Variants in SLC29A1 observed in about 807,000 individuals in gnomAD.
SLC29A1 encodes equilibrative nucleoside transporter 1.
SLC29A1 carries 22 observed loss-of-function variants against 48.3 expected under a neutral mutation model. That is an observed-to-expected ratio of 0.46 (90% CI 0.33 to 0.65). The LOEUF (loss-of-function observed/expected upper bound fraction) is 0.65. SLC29A1 is among the 30% of genes least tolerant of loss of function. The pLI is 0.03. For missense variants in SLC29A1, 491 were observed against 575.3 expected, an observed-to-expected ratio of 0.85 and a Z score of 1.50; for synonymous variants, 228 against 231.0, an observed-to-expected ratio of 0.99 and a Z score of 0.12.
At position 44,229,707 on chromosome 6, in the gene SLC29A1, G is replaced by A. The variant is rs776870186; in HGVS notation, c.230G>A (p.Ser77Asn). 9.3e-6 allele frequency: 15 copies of A among 1,613,898 alleles called. No homozygotes were observed. The African/African-American group carries it at 1.3e-4, about 14-fold the overall frequency. Residue 77 changes from serine to asparagine, a missense_variant, in exon 4 of 13, where the codon AGT becomes AAT. Physicochemically the swap from Ser to Asn is conservative, Grantham distance 46 (BLOSUM62 1). Transcript: ENST00000371755. This position sits in a 1 kb window ranked among gnomAD's most constrained non-coding sequence, Gnocchi z 5.1. ...CCCTTGCCTGAGCGGAACTCTCTCA[G>A]TGCCATCTTCAACAATGTCATGACC... is the stretch of plus-strand genomic sequence containing the variant. The part of the protein sequence containing the change: ...AAPLPERNSL[S>N]AIFNNVMTLC...
chr6:44,233,713 A>G lies in SLC29A1; in HGVS notation c.*185A>G. The G allele has an allele frequency of 1.7e-6, 1 of 599,380 alleles. No homozygotes were observed. The highest frequency in any genetic ancestry group is 3.0e-6 in the Non-Finnish European group (1 of 335,292). 37.1% of individuals were successfully genotyped at this position (599,380 alleles called of 1,614,324 possible). On this transcript the variant is annotated 3_prime_UTR_variant, in exon 13 of 13. Transcript: ENST00000371755. ...GAGCCTCTGGACGGACAGTGGGGAC[A>G]TTGTGGGTTTGGGGCTCAGAGTCGA...
intron 1 of SLC29A1, among the ~76,000 whole-genome samples, chr6:44,226,460 A>C (rs1328886289): frequency 6.7e-6 from 1 of 149,320 alleles, no homozygotes; most frequent in East Asian, 2.0e-4. Context: ...CCTGTGACAG[A>C]GAGGAACTAA....
At chr6:44,230,978 G>C in intron 8 of SLC29A1, 89 bp downstream of exon 8, 1 of 996,926 alleles carries the variant, frequency 1.0e-6, no homozygotes, top group Non-Finnish European at 1.6e-6. Flanking sequence ...AGTGCCCTGT[G>C]TTAGCTAGCA....
chr6:44,223,670 T>G lies in SLC29A1; in HGVS notation c.-52+29T>G. ...CTGCCCGGGGCCGGGGACTGGGGAC[T>G]GGGGACTGCCGGGGCGGAAGACGCC... On this transcript the variant is annotated intron_variant, in intron 1 of 12. Coordinates refer to ENST00000371755, the MANE Select transcript of SLC29A1 (RefSeq NM_001372327.1). The surrounding 1 kb of genome is among the most constrained non-coding windows in gnomAD (Gnocchi z 5.0). The G allele has an allele frequency of 8.6e-7, 1 of 1,167,326 alleles. No homozygotes were observed. Among genetic ancestry groups the G allele is most frequent in the South Asian group, 1.5e-5 (1 of 65,354 alleles). The allele number at this position is 1,167,326 out of a possible 1,614,324, so 72.3% of individuals were successfully genotyped here.
chr6:44,230,935 C>A, intron 8 of SLC29A1, 46 bp downstream of exon 8: 2 of 1,422,968 alleles, frequency 1.4e-6, no homozygotes, highest in Non-Finnish European at 2.0e-6. Context: ...GTATACCAGG[C>A]GGGGGATAGC....
intron 5 of SLC29A1, 36 bp downstream of exon 5, chr6:44,230,082 C>G: frequency 1.2e-6 from 2 of 1,600,368 alleles, no homozygotes; most frequent in African/African-American, 1.3e-5. Context: ...TGGGAGGAGG[C>G]ATGCCCAACT....
chr6:44,232,841 T>C lies in SLC29A1; in HGVS notation c.1094T>C (p.Val365Ala), dbSNP rs965302765. 1.2e-6 allele frequency: 2 copies of C among 1,613,222 alleles called. No homozygotes were observed. The highest frequency in any genetic ancestry group is 3.3e-5 in the Admixed American group (2 of 60,004). Residue 365 changes from valine to alanine, a missense_variant, in exon 12 of 13, where the codon GTG becomes GCG. By Grantham distance (64) the Val-to-Ala change is moderately conservative. Transcript: ENST00000371755. This position sits in a 1 kb window ranked among gnomAD's most constrained non-coding sequence, Gnocchi z 4.7. ...GACAGCCGCTGGCTGCCAAGCCTGG[T>C]GCTGGCCCGGCTGGTGTTTGTGCCA... ...GKDSRWLPSL[V>A]LARLVFVPLL...
At position 44,229,438 on chromosome 6, in the gene SLC29A1, G is replaced by C. The variant is rs758332686; in HGVS notation, c.78G>C (p.Leu26=). Residue 26 remains leucine, a synonymous_variant, in exon 3 of 13, where the codon CTG becomes CTC. Coordinates refer to ENST00000371755, the MANE Select transcript of SLC29A1 (RefSeq NM_001372327.1). The surrounding 1 kb of genome is among the most constrained non-coding windows in gnomAD (Gnocchi z 5.1). The part of the protein sequence containing the change: ...LIFFMLGLGT[L]LPWNFFMTAT... ...TCTTCATGCTGGGTCTGGGAACGCT[G>C]CTCCCGTGGAATTTTTTCATGACGG... The C allele has an allele frequency of 1.2e-6, 2 of 1,614,126 alleles. No individual in the cohort carries two copies. Among genetic ancestry groups the C allele is most frequent in the East Asian group, 4.5e-5 (2 of 44,870 alleles).
At chr6:44,226,405 ATCT>A (rs768286967) in intron 1 of SLC29A1, among the ~76,000 whole-genome samples, 102 of 150,816 alleles carry the variant, frequency 6.8e-4, no homozygotes, top group Middle Eastern at 6.8e-3. Context: ...CACCCCTCCA[ATCT>A]TCTTTTCAAG....
chr6:44,232,719 G>C lies in SLC29A1; in HGVS notation c.1060-88G>C. ...AACCAGGCTTTGAGGTTTCAGTTCAGATCCTGAGGGGCCCCAGATGGATCC... is the reference window on the plus strand; with the variant it reads ...AACCAGGCTTTGAGGTTTCAGTTCACATCCTGAGGGGCCCCAGATGGATCC... On this transcript the variant is annotated intron_variant, in intron 11 of 12. Coordinates refer to ENST00000371755, the MANE Select transcript of SLC29A1 (RefSeq NM_001372327.1). This position sits in a 1 kb window ranked among gnomAD's most constrained non-coding sequence, Gnocchi z 4.7. The C allele has an allele frequency of 2.3e-6, 3 of 1,304,100 alleles. No homozygotes were observed. Among genetic ancestry groups the C allele is most frequent in the Non-Finnish European group, 3.2e-6 (3 of 925,894 alleles). The allele number at this position is 1,304,100 out of a possible 1,614,324, so 80.8% of individuals were successfully genotyped here. A position where few individuals can be genotyped will look rare whatever the true frequency, so the allele number is the denominator to read the frequency against.
At chr6:44,220,991 G>A (rs943235547), upstream of SLC29A1, among the ~76,000 whole-genome samples, 3 of 152,090 alleles carry the variant, frequency 2.0e-5, no homozygotes, top group Non-Finnish European at 4.4e-5. Context: ...GTGAACCTCC[G>A]GCCTCAGCCT....
chr6:44,223,054 T>C (rs1381787633), upstream of SLC29A1, among the ~76,000 whole-genome samples: 1 of 151,178 alleles, frequency 6.6e-6, no homozygotes, highest in African/African-American at 2.4e-5. This position sits in a 1 kb window ranked among gnomAD's most constrained non-coding sequence, Gnocchi z 5.0. Context: ...TCACAGAAAA[T>C]GCGCGGTGGG....
intron 1 of SLC29A1, chr6:44,225,969 C>A: frequency 4.3e-6 from 1 of 231,858 alleles, no homozygotes; most frequent in Non-Finnish European, 7.1e-6. Context: ...TCTTTGCTTG[C>A]AAGGCTTCTC....
chr6:44,221,539 G>A, upstream of SLC29A1: 5 of 1,010,528 alleles, frequency 4.9e-6, no homozygotes, highest in Non-Finnish European at 6.8e-6. This position sits in a 1 kb window ranked among gnomAD's most constrained non-coding sequence, Gnocchi z 4.2. Context: ...AAGGTGTAGA[G>A]TAGAGGTGCA....
At chr6:44,227,464 C>A in intron 2 of SLC29A1, 122 bp downstream of exon 2, 1 of 847,530 alleles carries the variant, frequency 1.2e-6, no homozygotes, top group South Asian at 1.6e-5. Flanking sequence ...AGCTATGAGT[C>A]AGGTCTGCAT....
chr6:44,226,154 A>C, intron 1 of SLC29A1: 1 of 983,640 alleles, frequency 1.0e-6, no homozygotes, highest in African/African-American at 1.7e-5. Context: ...TCTGCTGGCC[A>C]GTCTGGGCAC....
At position 44,232,407 on chromosome 6, in the gene SLC29A1, C is replaced by G; in HGVS notation, c.1038C>G (p.Ser346Arg). ...TFNIFDWLGR[S>R]LTAVFMWPGK... ...ATATCTTTGACTGGTTGGGCCGGAGCCTCACAGCTGTATTCATGTGGGTAA... is the reference window on the plus strand; with the variant it reads ...ATATCTTTGACTGGTTGGGCCGGAGGCTCACAGCTGTATTCATGTGGGTAA... The change falls in exon 11 of 13, where the codon AGC becomes AGG. Residue 346 changes from serine (S) to arginine (R), a missense_variant. Ser to Arg is a moderately radical substitution (Grantham distance 110). Coordinates refer to ENST00000371755, the MANE Select transcript of SLC29A1 (RefSeq NM_001372327.1). This position sits in a 1 kb window ranked among gnomAD's most constrained non-coding sequence, Gnocchi z 4.7. 1 of 1,612,834 alleles carries G rather than the reference C, an allele frequency of 6.2e-7. No homozygotes were observed. Among genetic ancestry groups the G allele is most frequent in the Non-Finnish European group, 8.5e-7 (1 of 1,178,826 alleles).
chr6:44,229,333 T>C lies in SLC29A1; in HGVS notation c.30-57T>C, dbSNP rs1222147063. The C allele has an allele frequency of 1.5e-6, 2 of 1,337,616 alleles. No individual in the cohort carries two copies. Among genetic ancestry groups the C allele is most frequent in the Non-Finnish European group, 2.2e-6 (2 of 927,368 alleles). The allele number at this position is 1,337,616 out of a possible 1,614,324, so 82.9% of individuals were successfully genotyped here. A position where few individuals can be genotyped will look rare whatever the true frequency, so the allele number is the denominator to read the frequency against. ...CGGACAGGGGCTTTCCTGGGGCTCA[T>C]TGTGGAGTGGGGCAGGATGGTGCGT... On this transcript the variant is annotated intron_variant, in intron 2 of 12. Coordinates refer to ENST00000371755, the MANE Select transcript of SLC29A1 (RefSeq NM_001372327.1). The surrounding 1 kb of genome is among the most constrained non-coding windows in gnomAD (Gnocchi z 5.1).
At chr6:44,223,578 CG>C (rs1199486073), upstream of SLC29A1, 1 of 1,210,074 alleles carries the variant, frequency 8.3e-7, no homozygotes, top group Non-Finnish European at 1.1e-6. The surrounding 1 kb of genome is among the most constrained non-coding windows in gnomAD (Gnocchi z 5.0). Flanking sequence ...TGTGCCCCGG[CG>C]GGAGAGGGAA....
Sources: gnomAD v4.1 joint callset for allele counts (sites outside exome capture counted in the v4.1 genomes callset) on GRCh38, gnomAD v4.1.1 for gene constraint, Gnocchi (gnomAD v3.1) non-coding constraint, MANE v1.5 for transcripts, NCBI Gene and HGNC (gene_info 2026-07-23, HGNC 2026-07-21) for gene names.